Variants in PPP1R37 observed in about 807,000 individuals in gnomAD.
The protein encoded by PPP1R37 is protein phosphatase 1 regulatory subunit 37.
PPP1R37 carries 21 observed loss-of-function variants against 61.0 expected under a neutral mutation model. The ratio of observed to expected loss-of-function variants is 0.34; its 90% confidence interval spans 0.24 to 0.50. The LOEUF is 0.50. Among genes scored for constraint, PPP1R37 ranks in the 20% least tolerant of loss-of-function variants. The pLI is 0.98. For missense variants in PPP1R37, 910 were observed against 952.7 expected (o/e 0.96, Z 0.59); for synonymous variants, 443 against 433.5 (o/e 1.02, Z -0.27).
Position 45,138,610 on chromosome 19 carries a change from A to G in PPP1R37, c.299A>G (p.Gln100Arg). 3 of 765,668 alleles carry G rather than the reference A, an allele frequency of 3.9e-6. No homozygotes were observed. Among genetic ancestry groups the G allele is most frequent in the Non-Finnish European group, 6.0e-6 (3 of 500,146 alleles). The allele number at this position is 765,668 out of a possible 1,614,324, so 47.4% of individuals were successfully genotyped here. The change falls in exon 2 of 13, where the codon CAG (glutamine) becomes CGG (arginine). Residue 100 changes from glutamine (Q) to arginine (R), a missense_variant and splice_region_variant. Around this residue, in one of 3 missense-constraint regions of PPP1R37, gnomAD observed 280 missense variants for 382.2 expected, o/e 0.73. Transcript: ENST00000221462. ...RQIPKLLRQL[Q>R]EFTDLGHRLD... is the part of the protein sequence containing the mutation. ...ATCCCCAAGCTCCTCAGGCAGCTGC[A>G]GGTATGGGCGGGACAGGGTGGGTGC...
At chr19:45,133,719 G>C (rs1294227552) in intron 1 of PPP1R37, among the ~76,000 whole-genome samples, 2 of 152,168 alleles carry the variant, frequency 1.3e-5, no homozygotes, top group Non-Finnish European at 2.9e-5. Flanking sequence ...ACTCTGCCTG[G>C]AAGCCGTGAC....
At chr19:45,094,789 A>T (rs1967971125) in intron 1 of PPP1R37, among the ~76,000 whole-genome samples, 1 of 151,940 alleles carries the variant, frequency 6.6e-6, no homozygotes, top group Non-Finnish European at 1.5e-5. Flanking sequence ...GTTGCTGGCC[A>T]GTAGCAGGTG....
At chr19:45,116,369 C>A (rs1241801643) in intron 1 of PPP1R37, among the ~76,000 whole-genome samples, 1 of 152,222 alleles carries the variant, frequency 6.6e-6, no homozygotes, top group East Asian at 1.9e-4. Context: ...AGGCCTGGCT[C>A]CTTGTTGGCT....
chr19:45,122,918 C>T (rs142883686), intron 1 of PPP1R37, among the ~76,000 whole-genome samples: 151 of 152,314 alleles, frequency 9.9e-4, no homozygotes, highest in African/African-American at 3.3e-3. Context: ...GTCTCACACT[C>T]CAGGTCCCGA....
intron 1 of PPP1R37, among the ~76,000 whole-genome samples, chr19:45,115,300 G>A (rs950945912): frequency 3.3e-5 from 5 of 152,184 alleles, no homozygotes; most frequent in Admixed American, 2.6e-4. Flanking sequence ...GATATTGAAC[G>A]CCTTAAACTC....
intron 1 of PPP1R37, among the ~76,000 whole-genome samples, chr19:45,127,425 G>A (rs936468305): frequency 1.3e-5 from 2 of 150,260 alleles, no homozygotes; most frequent in African/African-American, 4.9e-5. Context: ...GAATAGTCTA[G>A]TGCTCTTGGG....
intron 1 of PPP1R37, among the ~76,000 whole-genome samples, chr19:45,120,175 G>A (rs528799987): frequency 1.3e-5 from 2 of 151,802 alleles, no homozygotes; most frequent in Non-Finnish European, 2.9e-5. Flanking sequence ...CCGCCACCAC[G>A]CCTGACTAAT....
rs1314844167 is a variant in PPP1R37 at position 45,145,255 on chromosome 19, G to A, written c.1291G>A (p.Glu431Lys). The change falls in exon 10 of 13, where the codon GAG becomes AAG. Residue 431 changes from glutamate (E) to lysine (K), a missense_variant. Around this residue, in one of 3 missense-constraint regions of PPP1R37, gnomAD observed 549 missense variants for 505.1 expected, o/e 1.09. Coordinates refer to ENST00000221462, the MANE Select transcript of PPP1R37 (RefSeq NM_019121.2). Reference protein sequence around the residue: ...RLDLDREPKKEAVKSFIETQK... With the variant: ...RLDLDREPKKKAVKSFIETQK... ...GGACCTCGACCGTGAACCCAAGAAA[G>A]AGGCGGTGAGCAGGGGACGGTCCTG... 2 of 1,531,944 alleles carry A rather than the reference G, an allele frequency of 1.3e-6. No individual in the cohort carries two copies. Among genetic ancestry groups the A allele is most frequent in the Non-Finnish European group, 1.7e-6 (2 of 1,144,828 alleles). The allele number at this position is 1,531,944 out of a possible 1,614,324, so 94.9% of individuals were successfully genotyped here. A position where few individuals can be genotyped will look rare whatever the true frequency, so the allele number is the denominator to read the frequency against.
intron 2 of PPP1R37, among the ~76,000 whole-genome samples, chr19:45,139,924 C>G (rs1022392005): frequency 7.2e-5 from 11 of 152,272 alleles, no homozygotes; most frequent in Non-Finnish European, 1.5e-4. Flanking sequence ...AGACTCCCTC[C>G]TCTGCTGGGA....
intron 1 of PPP1R37, among the ~76,000 whole-genome samples, chr19:45,126,792 C>A (rs908089728): frequency 1.3e-5 from 2 of 152,204 alleles, no homozygotes; most frequent in Non-Finnish European, 2.9e-5. Flanking sequence ...CCCTGCCCAT[C>A]CCTGTGCATG....
chr19:45,141,488 A>G (rs577669103), intron 5 of PPP1R37, 47 bp downstream of exon 5: 2 of 1,511,200 alleles, frequency 1.3e-6, no homozygotes, highest in Admixed American at 4.1e-5. Context: ...GGCTCCCAGC[A>G]CGGGGAGGCA....
intron 1 of PPP1R37, among the ~76,000 whole-genome samples, chr19:45,095,978 G>A (rs997873027): frequency 1.3e-5 from 2 of 152,130 alleles, no homozygotes; most frequent in Non-Finnish European, 2.9e-5. Context: ...TTGAGACCTC[G>A]GGCTGGTTAC....
At chr19:45,145,048 C>G in intron 9 of PPP1R37, 46 bp from the exon 10 acceptor site, 1 of 1,520,860 alleles carries the variant, frequency 6.6e-7, no homozygotes, top group Non-Finnish European at 8.8e-7. Flanking sequence ...GCCGGGCGGC[C>G]AGCCGGGTGT....
chr19:45,112,504 T>C (rs1968214335), intron 1 of PPP1R37, among the ~76,000 whole-genome samples: 1 of 152,212 alleles, frequency 6.6e-6, no homozygotes, highest in Non-Finnish European at 1.5e-5. Context: ...CTGGCTGTCT[T>C]TCCTTCAGCA....
chr19:45,142,121 T>C lies in PPP1R37; in HGVS notation c.628T>C (p.Phe210Leu). 2 of 1,534,902 alleles carry C rather than the reference T, an allele frequency of 1.3e-6. No individual in the cohort carries two copies. Among genetic ancestry groups the C allele is most frequent in the Non-Finnish European group, 1.7e-6 (2 of 1,146,414 alleles). ...NTPLLDHSAP[F>L]VARALRIRSS... ...GCCCCTGCTGGACCACTCGGCGCCCTTCGTGGCCCGTGCCCTGCGCATCCG... is the reference window on the plus strand; with the variant it reads ...GCCCCTGCTGGACCACTCGGCGCCCCTCGTGGCCCGTGCCCTGCGCATCCG... The change falls in exon 6 of 13, where the codon TTC becomes CTC. Residue 210 changes from phenylalanine to leucine, a missense_variant. Phe to Leu is a conservative substitution (Grantham distance 22, BLOSUM62 0). This residue lies in a region of PPP1R37 where 280 missense variants were observed against 382.2 expected (regional missense o/e 0.73). Transcript: ENST00000221462.
intron 1 of PPP1R37, among the ~76,000 whole-genome samples, chr19:45,125,571 A>G (rs1291129666): frequency 3.3e-5 from 5 of 152,230 alleles, no homozygotes; most frequent in African/African-American, 4.8e-5. Context: ...AATGGGATGC[A>G]GTCTTAACCA....
At chr19:45,140,729 G>T in intron 4 of PPP1R37, 123 bp downstream of exon 4, 1 of 691,844 alleles carries the variant, frequency 1.4e-6, no homozygotes, top group Non-Finnish European at 2.5e-6. Context: ...GGTGGCGCAA[G>T]GGCGGGGCCT....
intron 1 of PPP1R37, among the ~76,000 whole-genome samples, chr19:45,115,814 A>C (rs573670354): frequency 4.9e-4 from 74 of 152,226 alleles, no homozygotes; most frequent in Non-Finnish European, 6.9e-4. Context: ...GTCTCTGCTA[A>C]AAATACAAAA....
intron 1 of PPP1R37, among the ~76,000 whole-genome samples, chr19:45,104,307 C>T (rs1888189183): frequency 6.6e-6 from 1 of 152,190 alleles, no homozygotes. Context: ...CCATCTGGCT[C>T]CTGGGAGGGG....
Sources: allele counts gnomAD v4.1 joint callset (sites outside exome capture counted in the v4.1 genomes callset), GRCh38; gene constraint gnomAD v4.1.1; regional missense constraint gnomAD v4.1.1; transcripts MANE v1.5; gene names NCBI Gene and HGNC (gene_info 2026-07-23, HGNC 2026-07-21).